Variants in PLA2G4A observed in about 807,000 individuals in gnomAD.
PLA2G4A encodes phospholipase A2 group IVA.
In PLA2G4A, 40 loss-of-function variants were observed where a neutral mutation model predicts 81.9. That is an observed-to-expected ratio of 0.49 (90% confidence interval 0.38 to 0.64). The LOEUF (loss-of-function observed/expected upper bound fraction) is 0.64. Ranked by LOEUF, PLA2G4A falls within the 30% of genes least tolerant of loss-of-function variation. The pLI, the probability that PLA2G4A is intolerant of heterozygous loss-of-function variation, is 0.00. For synonymous variants in PLA2G4A, 302 were observed against 296.9 expected (o/e 1.02, Z -0.18); for missense variants, 715 against 905.1 (o/e 0.79, Z 2.69).
rs575417302 is a variant in PLA2G4A, at chr1:186,906,854, G to T, written c.379-111G>T. On this transcript the variant is annotated intron_variant, in intron 5 of 17. Transcript: ENST00000367466. ...GTGTTACTTTTATTTTTAGGGTTTT[G>T]TTTTTTTGATTAAAAATAATCTGGC... The T allele has an allele frequency of 7.7e-6, 5 of 651,814 alleles. 1 individual carries two copies. The South Asian group carries it at 9.2e-5, about 12-fold the overall frequency. 40.4% of individuals were successfully genotyped at this position (651,814 alleles called of 1,614,324 possible).
chr1:186,909,998 A>G (rs933938772), intron 6 of PLA2G4A, among the ~76,000 whole-genome samples: 2 of 152,134 alleles, frequency 1.3e-5, no homozygotes, highest in African/African-American at 4.8e-5. Context: ...CCTTTCTAGG[A>G]CTAGAAAATA....
chr1:186,932,910 AT>A lies in PLA2G4A; in HGVS notation c.695+16del. Reference sequence around the variant, plus strand: ...TTCTGGCTCCACCTGGTTAGTATACATTTTTAATTTTAGTTTTATAACTTTA... The same window carrying A: ...TTCTGGCTCCACCTGGTTAGTATACATTTTAATTTTAGTTTTATAACTTTA... On this transcript the variant is annotated intron_variant, in intron 8 of 17. Coordinates refer to ENST00000367466, the MANE Select transcript of PLA2G4A (RefSeq NM_024420.3). The A allele has an allele frequency of 6.3e-7, 1 of 1,593,528 alleles. No homozygotes were observed.
At chr1:186,847,331 C>G (rs922818083) in intron 1 of PLA2G4A, among the ~76,000 whole-genome samples, 4 of 149,768 alleles carry the variant, frequency 2.7e-5, no homozygotes, top group Non-Finnish European at 4.4e-5. Flanking sequence ...CATTCCATCT[C>G]CTTTCTTTTG....
At position 186,946,931 on chromosome 1, in the gene PLA2G4A, A is replaced by G. The variant is rs1221456445; in HGVS notation, c.1234A>G (p.Ser412Gly). ...AGTTTTGGGCGTTTCTGGTTCACAA[A>G]GCAGAGGCTCCACAATGGAGGAAGA... ...NRVLGVSGSQ[S>G]RGSTMEEELE... Residue 412 changes from serine (S) to glycine (G), a missense_variant, in exon 12 of 18, where the codon AGC becomes GGC. Transcript: ENST00000367466. The G allele has an allele frequency of 6.2e-7, 1 of 1,609,708 alleles. No individual in the cohort carries two copies. Among genetic ancestry groups the G allele is most frequent in the Non-Finnish European group, 8.5e-7 (1 of 1,176,216 alleles).
chr1:186,907,711 T>A (rs1654791630), intron 6 of PLA2G4A, among the ~76,000 whole-genome samples: 1 of 152,232 alleles, frequency 6.6e-6, no homozygotes, highest in African/African-American at 2.4e-5. Context: ...CATTTTCACA[T>A]CTGGTGATTT....
chr1:186,977,776 T>C lies in PLA2G4A; in HGVS notation c.1948T>C (p.Tyr650His), dbSNP rs1429487823. 1 of 1,607,588 alleles carries C rather than the reference T, an allele frequency of 6.2e-7. No homozygotes were observed. Among genetic ancestry groups the C allele is most frequent in the Admixed American group, 1.7e-5 (1 of 60,018 alleles). Residue 650 changes from tyrosine to histidine, a missense_variant, in exon 16 of 18, where the codon TAC becomes CAC. Transcript: ENST00000367466. ...FVLANINFRK[Y>H]RAPGVPRETE... ...TCTGGCCAACATCAACTTCAGAAAG[T>C]ACAGGGCTCCAGGTAAGTAGGGAGT... is the stretch of plus-strand genomic sequence containing the variant.
intron 15 of PLA2G4A, among the ~76,000 whole-genome samples, chr1:186,973,130 A>G (rs987641246): frequency 6.6e-6 from 1 of 152,162 alleles, no homozygotes; most frequent in Non-Finnish European, 1.5e-5. Context: ...ATTACCCCAA[A>G]CATGGTGACT....
chr1:186,906,991 TC>T lies in PLA2G4A; in HGVS notation c.406del (p.Glu137LysfsTer29). ...TCACTGAAATGGTTCTAGAAATGTC[TC>T]TTGAAGTTTGGTAAGTGCATTTATT... ...QVTEMVLEMS[L>X]EVCSCPDLRF... On this transcript the variant is annotated frameshift_variant, in exon 6 of 18. Transcript: ENST00000367466. LOFTEE classifies it high-confidence loss of function. 6.6e-7 allele frequency: 1 copy of T among 1,508,588 alleles called. No individual in the cohort carries two copies. The highest frequency in any genetic ancestry group is 1.1e-5 in the South Asian group (1 of 88,468). 93.5% of individuals were successfully genotyped at this position (1,508,588 alleles called of 1,614,324 possible). A position where few individuals can be genotyped will look rare whatever the true frequency, so the allele number is the denominator to read the frequency against.
At chr1:186,907,486 T>C (rs915571986) in intron 6 of PLA2G4A, among the ~76,000 whole-genome samples, 5 of 152,240 alleles carry the variant, frequency 3.3e-5, no homozygotes, top group African/African-American at 9.6e-5. Flanking sequence ...TACTGCTCTT[T>C]CAAAATGGCC....
intron 3 of PLA2G4A, among the ~76,000 whole-genome samples, chr1:186,876,041 T>C (rs1245451366): frequency 1.3e-5 from 2 of 152,128 alleles, no homozygotes; most frequent in African/African-American, 4.8e-5. Context: ...AACTTGAGTT[T>C]GTTCTGCCTT....
At chr1:186,856,168 G>A in intron 2 of PLA2G4A, among the ~76,000 whole-genome samples, 1 of 151,872 alleles carries the variant, frequency 6.6e-6, no homozygotes, top group East Asian at 1.9e-4. Context: ...GAGATAATAT[G>A]ATAACAATAT....
At chr1:186,894,271 G>A in intron 5 of PLA2G4A, 60 bp downstream of exon 5, 1 of 783,132 alleles carries the variant, frequency 1.3e-6, no homozygotes, top group South Asian at 1.4e-5. Flanking sequence ...ATTGATTCTG[G>A]GAAGTTGGGT....
chr1:186,930,810 T>G (rs370042327), intron 7 of PLA2G4A, among the ~76,000 whole-genome samples: 110 of 152,318 alleles, frequency 7.2e-4, no homozygotes, highest in African/African-American at 2.6e-3. Flanking sequence ...ATACACCTGC[T>G]ACAATACTAA....
rs1279331886 is a variant in PLA2G4A at position 186,977,637 on chromosome 1, C to T, written c.1809C>T (p.Pro603=). 1 of 1,613,772 alleles carries T rather than the reference C, an allele frequency of 6.2e-7. No individual in the cohort carries two copies. Among genetic ancestry groups the T allele is most frequent in the East Asian group, 2.2e-5 (1 of 44,860 alleles). ...AGTGGGCTAAAATGAACAAGCTCCC[C>T]TTTCCAAAGATTGATCCTTATGTGT... ...AEKWAKMNKL[P]FPKIDPYVFD... Residue 603 remains proline (P), a synonymous_variant, in exon 16 of 18, where the codon CCC becomes CCT. Transcript: ENST00000367466.
chr1:186,849,755 T>C (rs1314068984), intron 1 of PLA2G4A, among the ~76,000 whole-genome samples: 1 of 152,144 alleles, frequency 6.6e-6, no homozygotes, highest in Non-Finnish European at 1.5e-5. Flanking sequence ...TTGTTTCTTT[T>C]ATTTTTTGGA....
At chr1:186,937,899 C>A (rs1232261892) in intron 8 of PLA2G4A, among the ~76,000 whole-genome samples, 2 of 151,876 alleles carry the variant, frequency 1.3e-5, no homozygotes, top group African/African-American at 4.8e-5. Flanking sequence ...AGCTTATGAA[C>A]AATTAACCAA....
chr1:186,854,461 C>A, intron 2 of PLA2G4A, 74 bp downstream of exon 2: 1 of 942,682 alleles, frequency 1.1e-6, no homozygotes, highest in Non-Finnish European at 1.8e-6. Context: ...GCGGGTGTTG[C>A]TAGTAAAGTC....
At chr1:186,892,349 T>C (rs1467677605) in intron 3 of PLA2G4A, among the ~76,000 whole-genome samples, 1 of 152,222 alleles carries the variant, frequency 6.6e-6, no homozygotes, top group African/African-American at 2.4e-5. Flanking sequence ...CTGTGTGGTA[T>C]TGCTCAAGAA....
In PLA2G4A at chr1:186,927,136, T is replaced by TTCCTTTGCA. The variant is rs1655576624; in HGVS notation, c.559-5625_559-5617dup. Reference sequence around the variant, plus strand: ...CCAATTTGGGCATTCTCAGGCCTGCTTCCTTTGCATTCAGCTGCGATTGTT... The same window carrying TTCCTTTGCA: ...CCAATTTGGGCATTCTCAGGCCTGCTTCCTTTGCATCCTTTGCATTCAGCTGCGATTGTT... On this transcript the variant is annotated intron_variant, in intron 7 of 17. Transcript: ENST00000367466. Among the ~76,000 whole-genome samples the TTCCTTTGCA allele has an allele frequency of 4.6e-5, 7 of 152,340 alleles. No homozygotes were observed. The South Asian group carries it at 1.4e-3, about 32-fold the overall frequency.
Sources: gnomAD v4.1 joint callset for allele counts (sites outside exome capture counted in the v4.1 genomes callset) on GRCh38, gnomAD v4.1.1 for gene constraint, MANE v1.5 for transcripts, NCBI Gene and HGNC (gene_info 2026-07-23, HGNC 2026-07-21) for gene names.